The following NREP variants were observed in gnomAD, a reference collection of about 807,000 sequenced individuals.
The protein encoded by NREP is neuronal regeneration-related protein.
Under a neutral mutation model 8.6 loss-of-function variants are expected in NREP, and 5 were observed. The observed-to-expected ratio is 0.58, with a 90% CI of 0.30 to 1.22. The LOEUF (loss-of-function observed/expected upper bound fraction) is 1.22, where lower values mean the gene tolerates loss of function less well. Ranked by LOEUF, NREP falls within the 50% of genes most tolerant of loss-of-function variation. The probability of loss-of-function intolerance (pLI) is 0.07; values close to 1 mark genes in which losing one functional copy is unlikely to be tolerated. For missense variants in NREP, 86 were observed against 82.5 expected (o/e 1.04, Z -0.17); for synonymous variants, 27 against 28.0 (o/e 0.96, Z 0.11).
intron 2 of NREP, among the ~76,000 whole-genome samples, chr5:111,826,365 T>C (rs571016853): frequency 6.6e-6 from 1 of 152,168 alleles, no homozygotes; most frequent in East Asian, 1.9e-4. Context: ...CCTTCAGCAC[T>C]GTGGAAGTTT....
intron 2 of NREP, among the ~76,000 whole-genome samples, chr5:111,848,386 A>C (rs2112957843): frequency 6.6e-6 from 1 of 152,254 alleles, no homozygotes; most frequent in South Asian, 2.1e-4. Flanking sequence ...CTAGCCATTT[A>C]GATGCTCACA....
intron 2 of NREP, among the ~76,000 whole-genome samples, chr5:111,954,072 G>A (rs1184211368): frequency 6.6e-6 from 1 of 152,084 alleles, no homozygotes; most frequent in Non-Finnish European, 1.5e-5. Context: ...TTGACATTTA[G>A]CTTTCAGCCA....
intron 2 of NREP, among the ~76,000 whole-genome samples, chr5:111,958,466 G>A (rs1756389683): frequency 6.6e-6 from 1 of 151,786 alleles, no homozygotes; most frequent in African/African-American, 2.4e-5. Flanking sequence ...AAACTAAGAG[G>A]AAAATTCAGC....
Position 111,810,673 on chromosome 5 carries a change from A to T in NREP, c.136-75166T>A, listed in dbSNP as rs75614432. Reference sequence around the variant, plus strand: ...ATAGAACCACAATACAGCTTCTTGTATCATGTAGTTTCTGGAACCCAAATT... The same window carrying T: ...ATAGAACCACAATACAGCTTCTTGTTTCATGTAGTTTCTGGAACCCAAATT... On this transcript the variant is annotated intron_variant, in intron 2 of 3. Transcript: ENST00000395634. Among the ~76,000 whole-genome samples, 688 of 152,324 alleles carry T rather than the reference A, an allele frequency of 4.5e-3. 5 individuals carry two copies. Among genetic ancestry groups the T allele is most frequent in the Admixed American group, 0.01 (160 of 15,298 alleles).
At chr5:111,792,621 G>C (rs1181274684) in intron 2 of NREP, among the ~76,000 whole-genome samples, 1 of 152,070 alleles carries the variant, frequency 6.6e-6, no homozygotes, top group East Asian at 1.9e-4. Context: ...TTTATAAATA[G>C]TATCTATCAT....
intron 2 of NREP, among the ~76,000 whole-genome samples, chr5:111,774,940 A>T (rs560945033): frequency 6.6e-6 from 1 of 152,330 alleles, no homozygotes; most frequent in East Asian, 1.9e-4. Context: ...AAACTGATAC[A>T]AATAATAAAT....
intron 2 of NREP, among the ~76,000 whole-genome samples, chr5:111,864,960 C>A (rs769669081): frequency 6.6e-6 from 1 of 152,034 alleles, no homozygotes; most frequent in Non-Finnish European, 1.5e-5. Context: ...CTTAGCTATT[C>A]AAAGGGGAAG....
chr5:111,736,673 G>A lies in NREP; in HGVS notation c.4-1166C>T, dbSNP rs557009313. Among the ~76,000 whole-genome samples, 3 of 152,066 alleles carry A rather than the reference G, an allele frequency of 2.0e-5. No homozygotes were observed. The East Asian group carries it at 5.8e-4, about 29-fold the overall frequency. ...AGTGTGTTCACTCTTCGGAATAATTGAACAGTAACTAACTATCTTTGCTCT... is the reference window on the plus strand; with the variant it reads ...AGTGTGTTCACTCTTCGGAATAATTAAACAGTAACTAACTATCTTTGCTCT... On this transcript the variant is annotated intron_variant, in intron 2 of 3. Coordinates refer to ENST00000257435, the MANE Select transcript of NREP (RefSeq NM_004772.4).
intron 2 of NREP, among the ~76,000 whole-genome samples, chr5:111,949,427 T>A (rs1756090063): frequency 6.6e-6 from 1 of 152,018 alleles, no homozygotes; most frequent in Non-Finnish European, 1.5e-5. Flanking sequence ...CATAATGAAA[T>A]CCCATCAAAT....
chr5:111,844,658 TTA>T (rs1016973615), intron 2 of NREP, among the ~76,000 whole-genome samples: 10 of 145,584 alleles, frequency 6.9e-5, no homozygotes, highest in African/African-American at 1.7e-4. Context: ...AATATATATA[TTA>T]TATATATTAT....
At chr5:111,893,813 A>C (rs931784136) in intron 2 of NREP, among the ~76,000 whole-genome samples, 7 of 151,808 alleles carry the variant, frequency 4.6e-5, no homozygotes, top group African/African-American at 1.5e-4. Context: ...CCATCTTGTA[A>C]CTGTATGATG....
intron 2 of NREP, among the ~76,000 whole-genome samples, chr5:111,975,025 G>A (rs1327127937): frequency 6.6e-6 from 1 of 152,182 alleles, no homozygotes; most frequent in East Asian, 1.9e-4. Flanking sequence ...GACTTGGGAT[G>A]GATGCTAAGT....
intron 2 of NREP, among the ~76,000 whole-genome samples, chr5:111,814,473 C>T (rs906509022): frequency 6.6e-6 from 1 of 152,030 alleles, no homozygotes; most frequent in Non-Finnish European, 1.5e-5. Flanking sequence ...CCCTCCATTG[C>T]CTCCGTAACT....
chr5:111,800,356 C>T (rs2454577), intron 2 of NREP, among the ~76,000 whole-genome samples: 50,711 of 152,136 alleles, frequency 0.33, 8,985 homozygotes, highest in South Asian at 0.55. Context: ...ATTATTAACA[C>T]GGTTTCATGT....
intron 2 of NREP, among the ~76,000 whole-genome samples, chr5:111,893,291 T>C (rs779594275): frequency 4.6e-5 from 7 of 152,180 alleles, no homozygotes; most frequent in Non-Finnish European, 1.0e-4. Context: ...ACTTGGGCAA[T>C]ACTCAGTTGA....
At chr5:111,904,622 A>G (rs1475053656) in intron 2 of NREP, among the ~76,000 whole-genome samples, 2 of 152,016 alleles carry the variant, frequency 1.3e-5, no homozygotes, top group African/African-American at 2.4e-5. Context: ...ATCATATTCC[A>G]TTGTATGTGA....
chr5:111,809,411 T>A (rs1752217316), intron 2 of NREP, among the ~76,000 whole-genome samples: 1 of 152,238 alleles, frequency 6.6e-6, no homozygotes, highest in South Asian at 2.1e-4. Flanking sequence ...AAATTTGATC[T>A]CTAATGTGGC....
At chr5:111,748,039 T>C (rs1364705445) in intron 2 of NREP, among the ~76,000 whole-genome samples, 6 of 152,192 alleles carry the variant, frequency 3.9e-5, no homozygotes. Context: ...GCACCATTAA[T>C]ACCCTCACGC....
intron 2 of NREP, among the ~76,000 whole-genome samples, chr5:111,825,230 TAAAA>T (rs1752595857): frequency 6.6e-6 from 1 of 152,090 alleles, no homozygotes; most frequent in Middle Eastern, 3.4e-3. Context: ...AATAAATAAA[TAAAA>T]CTCTTCTTTA....
Sources: allele counts gnomAD v4.1 joint callset (sites outside exome capture counted in the v4.1 genomes callset), GRCh38; gene constraint gnomAD v4.1.1; transcripts MANE v1.5; gene names NCBI Gene and HGNC (gene_info 2026-07-23, HGNC 2026-07-21).